The following NTM variants were observed in gnomAD, a reference collection of about 807,000 sequenced individuals.
The protein encoded by NTM is neurotrimin.
In NTM, 13 loss-of-function variants were observed where a neutral mutation model predicts 42.1. That is an observed-to-expected ratio of 0.31 (90% CI 0.20 to 0.49). The LOEUF (loss-of-function observed/expected upper bound fraction) is 0.49, where lower values mean the gene tolerates loss of function less well. Ranked by LOEUF, NTM falls within the 20% of genes least tolerant of loss-of-function variation. NTM has a pLI of 0.99. For missense variants in NTM, 373 were observed against 452.8 expected (o/e 0.82, Z 1.60); for synonymous variants, 187 against 179.2 (o/e 1.04, Z -0.35).
chr11:131,674,552 A>G (rs1409989308), intron 1 of NTM, among the ~76,000 whole-genome samples: 1 of 152,208 alleles, frequency 6.6e-6, no homozygotes, highest in Non-Finnish European at 1.5e-5. Flanking sequence ...TCAGTCGGGC[A>G]AGCGAACTCT....
At position 132,195,403 on chromosome 11, in the gene NTM, A is replaced by C. The variant is rs572873921; in HGVS notation, c.401-16619A>C. Among the ~76,000 whole-genome samples, 3 of 152,240 alleles carry C rather than the reference A, an allele frequency of 2.0e-5. No homozygotes were observed. In the South Asian group the frequency reaches 6.2e-4, roughly 32 times the overall value. On this transcript the variant is annotated intron_variant, in intron 3 of 8. Transcript: ENST00000683400. ...AATTTACAGATTCAATGTAATTCCT[A>C]TCAAACTACTAACATCATTTTTCAC...
intron 1 of NTM, among the ~76,000 whole-genome samples, chr11:131,802,671 G>T (rs2136238943): frequency 6.6e-6 from 1 of 152,298 alleles, no homozygotes; most frequent in East Asian, 1.9e-4. Flanking sequence ...GGTATGTGTG[G>T]GGAGTGCAGA....
chr11:131,794,918 C>T (rs2091379907), intron 1 of NTM: 3 of 985,160 alleles, frequency 3.0e-6, no homozygotes, highest in South Asian at 4.7e-5. Flanking sequence ...TGTTGGGTAA[C>T]CAAGGCTTTG....
intron 1 of NTM, among the ~76,000 whole-genome samples, chr11:131,828,312 C>G (rs182000245): frequency 6.6e-6 from 1 of 152,218 alleles, no homozygotes; most frequent in East Asian, 1.9e-4. Flanking sequence ...AGTATCACCA[C>G]CGCCTTCACC....
chr11:131,911,109 C>T (rs1179041397), intron 1 of NTM: 9 of 1,199,466 alleles, frequency 7.5e-6, no homozygotes, highest in Non-Finnish European at 9.4e-6. Context: ...AAAGTGCTTA[C>T]TCCTCTCCAA....
At chr11:132,134,715 AT>A (rs2067471792) in intron 2 of NTM, among the ~76,000 whole-genome samples, 1 of 34,230 alleles carries the variant, frequency 2.9e-5, no homozygotes, top group Non-Finnish European at 5.2e-5. Context: ...GTATATATAT[AT>A]ATATATATAT....
chr11:132,247,696 C>G (rs1393479314), intron 4 of NTM, among the ~76,000 whole-genome samples: 1 of 152,058 alleles, frequency 6.6e-6, no homozygotes, highest in Non-Finnish European at 1.5e-5. Flanking sequence ...GGATAAGAAC[C>G]CTTTAAAGTT....
chr11:132,181,988 A>T (rs1420438789), intron 3 of NTM, among the ~76,000 whole-genome samples: 1 of 147,336 alleles, frequency 6.8e-6, no homozygotes, highest in East Asian at 2.0e-4. Flanking sequence ...TATTATTATT[A>T]TTATTTTAAT....
At chr11:132,038,516 T>G (rs1440005298) in intron 2 of NTM, among the ~76,000 whole-genome samples, 1 of 152,046 alleles carries the variant, frequency 6.6e-6, no homozygotes, top group East Asian at 1.9e-4. Context: ...TCAGTTTCCC[T>G]GACTGTAAAG....
chr11:131,722,753 C>G lies in NTM; in HGVS notation c.83-188811C>G, dbSNP rs997679291. On this transcript the variant is annotated intron_variant, in intron 1 of 8. Transcript: ENST00000683400. ...ACTGTCTCCCATGATGATTAGCTGG[C>G]CTGGAACACCAGCTCTTCCTTATCT... Among the ~76,000 whole-genome samples the G allele has an allele frequency of 1.1e-4, 17 of 152,112 alleles. No homozygotes were observed. In the South Asian group the frequency reaches 3.5e-3, roughly 32 times the overall value.
At chr11:131,449,828 C>T (rs969012029) in intron 1 of NTM, among the ~76,000 whole-genome samples, 8 of 152,174 alleles carry the variant, frequency 5.3e-5, no homozygotes, top group South Asian at 4.2e-4. Flanking sequence ...CCTGTCCCTA[C>T]GAACAGGCTC....
chr11:132,134,899 GTAGATACC>G (rs926466063), intron 2 of NTM, among the ~76,000 whole-genome samples: 9 of 151,332 alleles, frequency 5.9e-5, no homozygotes, highest in Non-Finnish European at 1.3e-4. Flanking sequence ...TTTCCTCCTG[GTAGATACC>G]TAGTAGTGAG....
intron 2 of NTM, among the ~76,000 whole-genome samples, chr11:132,051,502 G>A (rs546342693): frequency 1.3e-5 from 2 of 152,294 alleles, no homozygotes; most frequent in African/African-American, 4.8e-5. Context: ...AGGAGGGAAG[G>A]AAGTAAGATT....
At chr11:131,646,765 G>A (rs1309789344) in intron 1 of NTM, among the ~76,000 whole-genome samples, 1 of 152,042 alleles carries the variant, frequency 6.6e-6, no homozygotes, top group Non-Finnish European at 1.5e-5. Flanking sequence ...ACTCTAAAGG[G>A]GGTTTCAATC....
intron 1 of NTM, among the ~76,000 whole-genome samples, chr11:131,451,149 GA>G (rs1475133421): frequency 1.3e-5 from 2 of 152,040 alleles, no homozygotes; most frequent in Non-Finnish European, 2.9e-5. Flanking sequence ...TACATGCCAA[GA>G]AAGAAAAATA....
chr11:132,026,821 G>C (rs1180517208), intron 2 of NTM, among the ~76,000 whole-genome samples: 1 of 152,186 alleles, frequency 6.6e-6, no homozygotes. Flanking sequence ...TTGTGGGACT[G>C]GTTTGAACAA....
At chr11:132,162,375 T>G (rs1255834432) in intron 3 of NTM, among the ~76,000 whole-genome samples, 1 of 142,526 alleles carries the variant, frequency 7.0e-6, no homozygotes, top group African/African-American at 2.7e-5. Context: ...ACTGCGTGAG[T>G]GTGTGTATGT....
intron 1 of NTM, among the ~76,000 whole-genome samples, chr11:131,460,131 A>G (rs1951244449): frequency 1.3e-5 from 2 of 152,212 alleles, no homozygotes; most frequent in African/African-American, 2.4e-5. Context: ...CTTTATTTCC[A>G]GCATTATAAG....
intron 1 of NTM, among the ~76,000 whole-genome samples, chr11:131,833,948 C>A (rs754197388): frequency 6.6e-6 from 1 of 152,174 alleles, no homozygotes; most frequent in African/African-American, 2.4e-5. Context: ...TTGCTCTTCT[C>A]CCCACCCTAT....
Sources: gnomAD v4.1 joint callset for allele counts (sites outside exome capture counted in the v4.1 genomes callset) on GRCh38, gnomAD v4.1.1 for gene constraint, MANE v1.5 for transcripts, NCBI Gene and HGNC (gene_info 2026-07-23, HGNC 2026-07-21) for gene names.